The following HEATR1 variants were observed in gnomAD, a reference collection of about 807,000 sequenced individuals.
HEATR1 encodes the protein HEAT repeat-containing protein 1.
Under a neutral mutation model 248.2 loss-of-function variants are expected in HEATR1, and 77 were observed. The ratio of observed to expected loss-of-function variants is 0.31; its 90% CI spans 0.26 to 0.37. The LOEUF (loss-of-function observed/expected upper bound fraction) is 0.37. Ranked by LOEUF, HEATR1 falls within the 10% of genes least tolerant of loss-of-function variation. The pLI is 1.00. For synonymous variants in HEATR1, 897 were observed against 923.1 expected, an observed-to-expected ratio of 0.97 and a Z score of 0.51; for missense variants, 2,420 against 2,504.9, an observed-to-expected ratio of 0.97 and a Z score of 0.72.
chr1:236,551,314 C>T (rs1178483153), intron 44 of HEATR1: 1 of 291,008 alleles, frequency 3.4e-6, no homozygotes, highest in Admixed American at 4.8e-5. Context: ...ACTTTTGTAG[C>T]TTAGATAAGC....
chr1:236,602,872 C>A, intron 3 of HEATR1: 1 of 262,670 alleles, frequency 3.8e-6, no homozygotes. Context: ...TGCAGTGAGC[C>A]AAGATTTCAA....
chr1:236,571,561 T>C lies in HEATR1; in HGVS notation c.3826+7A>G. ...TTTTCTAACCTTTCCTTCCAAAAAGTACCTACCTTTGGGTATTTTGCCACC... is the reference window on the plus strand; with the variant it reads ...TTTTCTAACCTTTCCTTCCAAAAAGCACCTACCTTTGGGTATTTTGCCACC... On this transcript the variant is annotated splice_region_variant and intron_variant, in intron 27 of 44. Coordinates refer to ENST00000366582, the MANE Select transcript of HEATR1 (RefSeq NM_018072.6). 2 of 1,613,272 alleles carry C rather than the reference T, an allele frequency of 1.2e-6. No individual in the cohort carries two copies. The highest frequency in any genetic ancestry group is 1.7e-6 in the Non-Finnish European group (2 of 1,179,502).
rs1461301698 is a variant in HEATR1 at position 236,595,901 on chromosome 1, C to A, written c.888G>T (p.Leu296Phe). The change falls in exon 7 of 45, where the codon TTG (leucine) becomes TTT (phenylalanine). Residue 296 changes from leucine (L) to phenylalanine (F), a missense_variant. By Grantham distance (22) the Leu-to-Phe change is conservative (BLOSUM62 0). Transcript: ENST00000366582. ...TCAAGCAACTTAACCCATCCTTGATCAAAGAGGGAATCTTGGTCAATGTTT... is the reference window on the plus strand; with the variant it reads ...TCAAGCAACTTAACCCATCCTTGATAAAAGAGGGAATCTTGGTCAATGTTT... Reference protein sequence around the residue: ...IIKTLTKIPSLIKDGLSCLIV... With the variant: ...IIKTLTKIPSFIKDGLSCLIV... 1 of 1,614,096 alleles carries A rather than the reference C, an allele frequency of 6.2e-7. No homozygotes were observed. The highest frequency in any genetic ancestry group is 1.7e-5 in the Admixed American group (1 of 60,022).
At chr1:236,558,674 T>C (rs928188050) in intron 35 of HEATR1, 145 bp from the exon 36 acceptor site, 13 of 822,732 alleles carry the variant, frequency 1.6e-5, no homozygotes, top group Admixed American at 2.9e-5. Flanking sequence ...GATGTGCATG[T>C]TCTAGCCAGT....
chr1:236,586,641 T>C (rs1235779762), intron 14 of HEATR1, among the ~76,000 whole-genome samples, 189 bp from the exon 15 acceptor site: 5 of 152,080 alleles, frequency 3.3e-5, no homozygotes, highest in Non-Finnish European at 5.9e-5. Flanking sequence ...ACAATATTTT[T>C]ATTTATTTAT....
Position 236,583,109 on chromosome 1 carries a change from T to C in HEATR1, c.2329A>G (p.Ser777Gly), listed in dbSNP as rs1374608694. The change falls in exon 18 of 45, where the codon AGC becomes GGC. Residue 777 changes from serine (S) to glycine (G), a missense_variant. Coordinates refer to ENST00000366582, the MANE Select transcript of HEATR1 (RefSeq NM_018072.6). The part of the protein sequence containing the change: ...LWAHYVEELN[S>G]TQRVAVEDSV... ...TCCTCCACGGCCACCCTCTGAGTGC[T>C]GTTGAGCTCTTCTACATAATGTGCC... The C allele has an allele frequency of 1.2e-6, 2 of 1,614,154 alleles. No individual in the cohort carries two copies. Among genetic ancestry groups the C allele is most frequent in the Middle Eastern group, 1.6e-4 (1 of 6,062 alleles).
At chr1:236,602,964 CAGT>C (rs980941566) in intron 3 of HEATR1, 193 bp downstream of exon 3, 4 of 574,680 alleles carry the variant, frequency 7.0e-6, no homozygotes, top group African/African-American at 3.7e-5. Context: ...TCAAAATCAC[CAGT>C]AGTTCTACTT....
chr1:236,576,163 A>G (rs1663556730), intron 22 of HEATR1, 56 bp downstream of exon 22: 1 of 1,356,860 alleles, frequency 7.4e-7, no homozygotes, highest in Non-Finnish European at 9.9e-7. Context: ...ACAAGCAGTT[A>G]CAACAATTCT....
intron 16 of HEATR1, among the ~76,000 whole-genome samples, 193 bp from the exon 17 acceptor site, chr1:236,585,409 T>C (rs1278365668): frequency 1.3e-5 from 2 of 152,218 alleles, no homozygotes; most frequent in Non-Finnish European, 2.9e-5. Flanking sequence ...TGAACATAAT[T>C]GCACTTGCCA....
At chr1:236,591,615 C>T (rs1664039679) in intron 11 of HEATR1, among the ~76,000 whole-genome samples, 1 of 152,094 alleles carries the variant, frequency 6.6e-6, no homozygotes, top group African/African-American at 2.4e-5. Flanking sequence ...CTCCCCCTTG[C>T]TAATCAATAA....
intron 17 of HEATR1, among the ~76,000 whole-genome samples, chr1:236,583,998 A>G (rs916325402): frequency 1.3e-5 from 2 of 152,196 alleles, no homozygotes; most frequent in Admixed American, 6.5e-5. Context: ...CAGGTGTAAG[A>G]AAATGACAAA....
Position 236,594,119 on chromosome 1 carries a change from A to G in HEATR1, c.1091-5T>C, listed in dbSNP as rs1664114224. The G allele has an allele frequency of 2.6e-6, 4 of 1,529,866 alleles. No homozygotes were observed. In the South Asian group the frequency reaches 3.7e-5, roughly 14 times the overall value. 94.8% of individuals were successfully genotyped at this position (1,529,866 alleles called of 1,614,324 possible). On this transcript the variant is annotated splice_polypyrimidine_tract_variant and splice_region_variant and intron_variant, in intron 8 of 44. Transcript: ENST00000366582. ...CCATTCCTTCAGTTTCTTCTCCTTA[A>G]TATGTAAAAATTAAAATTGTGTTGG...
rs1662935547 is a variant in HEATR1, at chr1:236,555,322, A to G, written c.5897T>C (p.Leu1966Ser). The change falls in exon 41 of 45, where the codon TTG becomes TCG. Residue 1966 changes from leucine (L) to serine (S), a missense_variant. By Grantham distance (145) the Leu-to-Ser change is moderately radical. Coordinates refer to ENST00000366582, the MANE Select transcript of HEATR1 (RefSeq NM_018072.6). ...TGTTTTGGAGATGTTCACCTGGTTC[A>G]AGGTGTCAGCAAAAGGCTTCACTAA... The part of the protein sequence containing the change: ...GHLVKPFADT[L>S]NQVNISKTDE... 6.2e-7 allele frequency: 1 copy of G among 1,614,198 alleles called. No individual in the cohort carries two copies. Among genetic ancestry groups the G allele is most frequent in the Non-Finnish European group, 8.5e-7 (1 of 1,180,034 alleles).
intron 9 of HEATR1, among the ~76,000 whole-genome samples, chr1:236,593,021 C>T (rs1202144291): frequency 6.6e-6 from 1 of 152,144 alleles, no homozygotes; most frequent in Non-Finnish European, 1.5e-5. Context: ...ATGGTGAAAC[C>T]TTGTCTCTAC....
At chr1:236,554,003 G>T (rs527774681) in intron 42 of HEATR1, among the ~76,000 whole-genome samples, 1 of 152,206 alleles carries the variant, frequency 6.6e-6, no homozygotes, top group African/African-American at 2.4e-5. Context: ...GCTCTGACGC[G>T]TTCTCAGTGA....
intron 19 of HEATR1, among the ~76,000 whole-genome samples, chr1:236,582,306 C>G (rs1663772536): frequency 6.6e-6 from 1 of 152,056 alleles, no homozygotes; most frequent in Non-Finnish European, 1.5e-5. Flanking sequence ...CGGCGTTTCA[C>G]CATGTTAGCC....
intron 8 of HEATR1, among the ~76,000 whole-genome samples, chr1:236,594,920 T>G (rs1664132642): frequency 6.6e-6 from 1 of 152,144 alleles, no homozygotes; most frequent in African/African-American, 2.4e-5. Context: ...CACCTCAGTC[T>G]CCCGAGCAGC....
chr1:236,577,982 G>C (rs1182897698), intron 20 of HEATR1, among the ~76,000 whole-genome samples: 1 of 152,090 alleles, frequency 6.6e-6, no homozygotes. Context: ...ACAAATATTT[G>C]GTCCCAGACT....
chr1:236,572,160 G>A (rs551000596), intron 26 of HEATR1, among the ~76,000 whole-genome samples: 2 of 152,214 alleles, frequency 1.3e-5, no homozygotes, highest in African/African-American at 2.4e-5. Context: ...TCCCAGGCAC[G>A]CTACTGAAAA....
Sources: allele counts gnomAD v4.1 joint callset (sites outside exome capture counted in the v4.1 genomes callset), GRCh38; gene constraint gnomAD v4.1.1; transcripts MANE v1.5; gene names NCBI Gene and HGNC (gene_info 2026-07-23, HGNC 2026-07-21).